Variants in PPIE observed in about 807,000 individuals in gnomAD.
The protein encoded by PPIE is peptidylprolyl isomerase E.
In PPIE, 20 loss-of-function variants were observed where a neutral mutation model predicts 38.4. That is an observed-to-expected ratio of 0.52 (90% CI 0.37 to 0.76). The LOEUF is 0.76. Among genes scored for constraint, PPIE ranks in the 30% least tolerant of loss-of-function variants. The pLI is 0.00. For synonymous variants in PPIE, 142 were observed against 135.7 expected (o/e 1.05, Z -0.32); for missense variants, 322 against 385.8 (o/e 0.83, Z 1.39).
At chr1:39,742,687 T>G (rs929852736) in intron 4 of PPIE, 2 of 152,364 alleles carry the variant, frequency 1.3e-5, no homozygotes, top group African/African-American at 4.8e-5. Context: ...AGAAACTTGT[T>G]TTTATTATTT....
chr1:39,749,024 GGGCAAGTCCATC>G lies in PPIE; in HGVS notation c.631_642del (p.Gly211_Ile214del). 1 of 1,611,666 alleles carries G rather than the reference GGGCAAGTCCATC, an allele frequency of 6.2e-7. No individual in the cohort carries two copies. ...ATTTCACAAACCACAATGGCACTGG[GGGCAAGTCCATC>G]TATGGGAAGAAGTTCGATGATGAAA... On this transcript the variant is annotated inframe_deletion, in exon 8 of 10. Coordinates refer to ENST00000324379, the MANE Select transcript of PPIE (RefSeq NM_006112.4).
At chr1:39,760,659 G>A (rs775736238), downstream of PPIE, 30 of 1,476,362 alleles carry the variant, frequency 2.0e-5, no homozygotes, top group Non-Finnish European at 2.6e-5. Context: ...CCTGCTCCCT[G>A]CCCTGGCCAT....
At chr1:39,763,744 G>C (rs1649365601) in exon 10 of PPIE, 2 of 1,603,786 alleles carry the variant, frequency 1.2e-6, no homozygotes, top group East Asian at 4.5e-5. Flanking sequence ...CTGACGTAGA[G>C]CTCGTGCCGA....
chr1:39,752,796 G>C, intron 8 of PPIE, 114 bp from the exon 9 acceptor site: 3 of 1,285,902 alleles, frequency 2.3e-6, no homozygotes, highest in Non-Finnish European at 3.2e-6. Context: ...CATGTGATCT[G>C]TGCATCCCCG....
rs771743539 is a variant in PPIE at position 39,745,470 on chromosome 1, G to A, written c.480G>A (p.Leu160=). 2.1e-5 allele frequency: 34 copies of A among 1,614,128 alleles called. No homozygotes were observed. In the South Asian group the frequency reaches 3.5e-4, roughly 17 times the overall value. Residue 160 remains leucine, a synonymous_variant, in exon 7 of 10, where the codon CTG becomes CTA. Transcript: ENST00000324379. ...CGGCTGGCCGCATCCAGATGCTCCT[G>A]CGTTCTGATGTCGTGCCCATGACAG... is the stretch of plus-strand genomic sequence containing the variant. ...NKPAGRIQML[L]RSDVVPMTAE... is the part of the protein sequence containing the mutation.
intron 3 of PPIE, 74 bp downstream of exon 3, chr1:39,741,483 C>A: frequency 6.5e-7 from 1 of 1,542,300 alleles, no homozygotes; most frequent in Non-Finnish European, 9.0e-7. Flanking sequence ...AGCTTTTCAC[C>A]ATTTGGTTAG....
intron 9 of PPIE, chr1:39,763,158 C>G (rs777957727): frequency 1.2e-6 from 2 of 1,613,908 alleles, no homozygotes; most frequent in African/African-American, 2.7e-5. Context: ...AGCACTCCCC[C>G]TCACAGTAAT....
intron 6 of PPIE, 114 bp downstream of exon 6, chr1:39,744,038 A>G: frequency 3.1e-6 from 2 of 644,704 alleles, no homozygotes; most frequent in Non-Finnish European, 5.3e-6. Context: ...GAGGGAATGA[A>G]TAATGAATTC....
At chr1:39,745,736 A>G in intron 7 of PPIE, 2 of 497,320 alleles carry the variant, frequency 4.0e-6, no homozygotes, top group Non-Finnish European at 7.0e-6. Context: ...TAAATAATGT[A>G]TTCTTTTTTT....
In PPIE at chr1:39,740,227, A is replaced by T; in HGVS notation, c.94A>T (p.Ile32Phe). The T allele has an allele frequency of 1.2e-6, 2 of 1,614,216 alleles. No homozygotes were observed. Among genetic ancestry groups the T allele is most frequent in the Non-Finnish European group, 1.7e-6 (2 of 1,180,012 alleles). Residue 32 changes from isoleucine (I) to phenylalanine (F), a missense_variant, in exon 2 of 10, where the codon ATC (isoleucine) becomes TTC (phenylalanine). Physicochemically the swap from Ile to Phe is conservative, Grantham distance 21. Transcript: ENST00000324379. ...LHAAFIPFGDITDIQIPLDYE... is the reference protein window; with the variant it reads ...LHAAFIPFGDFTDIQIPLDYE... Reference sequence around the variant, plus strand: ...TGCTGCGTTCATTCCTTTTGGAGACATCACAGATATTCAGATTCCTCTGGA... The same window carrying T: ...TGCTGCGTTCATTCCTTTTGGAGACTTCACAGATATTCAGATTCCTCTGGA...
At position 39,763,190 on chromosome 1, in the gene PPIE, C is replaced by T. The variant is rs776769804; in HGVS notation, c.838-499C>T. The T allele has an allele frequency of 1.2e-5, 20 of 1,612,480 alleles. 1 individual carries two copies. The highest frequency in any genetic ancestry group is 6.7e-5 in the Admixed American group (4 of 59,924). ...TAATAGGCCGAGTAGCCTTGGGGAG[C>T]GATGACCCAGTCCTGGGGGGCAAGG... is the stretch of plus-strand genomic sequence containing the variant. On this transcript the variant is annotated intron_variant, in intron 9 of 9. Coordinates refer to the PPIE transcript ENST00000356511.
chr1:39,739,825 G>C (rs1205480266), intron 1 of PPIE, among the ~76,000 whole-genome samples: 1 of 152,156 alleles, frequency 6.6e-6, no homozygotes, highest in African/African-American at 2.4e-5. Flanking sequence ...TGAGGACAGT[G>C]GGAAGCCTTT....
At chr1:39,748,881 C>T (rs763886011) in intron 7 of PPIE, 22 bp from the exon 8 acceptor site, 1 of 1,607,184 alleles carries the variant, frequency 6.2e-7, no homozygotes, top group Admixed American at 1.7e-5. Context: ...AACCCCAGCG[C>T]TTTTTCCTTT....
chr1:39,741,612 C>T, intron 3 of PPIE: 1 of 635,858 alleles, frequency 1.6e-6, no homozygotes, highest in South Asian at 2.0e-5. Context: ...GCCAGGCCCT[C>T]CCATTCTTGC....
rs1009164442 is a variant in PPIE, at chr1:39,754,289, A to G, written c.*934A>G. Among the ~76,000 whole-genome samples the G allele has an allele frequency of 1.3e-5, 2 of 152,172 alleles. No homozygotes were observed. The highest frequency in any genetic ancestry group is 2.9e-5 in the Non-Finnish European group (2 of 68,038). ...AGGGTTTTCTAGAGAAGCAGAACCA[A>G]TAGGGTGTGTATATATGTAGAAAGA... On this transcript the variant is annotated 3_prime_UTR_variant, in exon 10 of 10. Coordinates refer to ENST00000324379, the MANE Select transcript of PPIE (RefSeq NM_006112.4).
chr1:39,752,241 A>G (rs1203921210), intron 8 of PPIE, among the ~76,000 whole-genome samples: 1 of 152,192 alleles, frequency 6.6e-6, no homozygotes, highest in African/African-American at 2.4e-5. Context: ...TGGCATCTGC[A>G]TGCTGATGGC....
rs532535701 is a variant in PPIE at position 39,756,218 on chromosome 1, G to A, written c.*2863G>A. 8 of 985,446 alleles carry A rather than the reference G, an allele frequency of 8.1e-6. No homozygotes were observed. The East Asian group carries it at 5.7e-4, about 70-fold the overall frequency. 61.0% of individuals were successfully genotyped at this position (985,446 alleles called of 1,614,324 possible). On this transcript the variant is annotated 3_prime_UTR_variant, in exon 10 of 10. Coordinates refer to ENST00000324379, the MANE Select transcript of PPIE (RefSeq NM_006112.4). ...GGAAGTGGAGCCAGTGGCTCTGTGG[G>A]CGTCCTTTCCTGCAGCCTGGAGAGC...
intron 8 of PPIE, among the ~76,000 whole-genome samples, chr1:39,752,032 A>G (rs1005572428): frequency 3.3e-5 from 5 of 151,980 alleles, no homozygotes; most frequent in Admixed American, 1.3e-4. Context: ...TGCCCCAGAG[A>G]TTGAGGCTAC....
intron 8 of PPIE, 123 bp downstream of exon 8, chr1:39,749,211 A>G: frequency 9.8e-7 from 1 of 1,023,542 alleles, no homozygotes; most frequent in Non-Finnish European, 1.4e-6. Flanking sequence ...AGACCCAGCC[A>G]CCAGACATAG....
Sources: allele counts gnomAD v4.1 joint callset (sites outside exome capture counted in the v4.1 genomes callset), GRCh38; gene constraint gnomAD v4.1.1; transcripts MANE v1.5; gene names NCBI Gene and HGNC (gene_info 2026-07-23, HGNC 2026-07-21).